NPAS3: variants seen among roughly 807,000 people sequenced by gnomAD.
NPAS3 encodes neuronal PAS domain protein 3.
Under a neutral mutation model 73.1 loss-of-function variants are expected in NPAS3, and 14 were observed. The observed-to-expected ratio is 0.19, with a 90% confidence interval of 0.13 to 0.30. The LOEUF is 0.30. NPAS3 is among the 10% of genes least tolerant of loss of function. The pLI, the probability that NPAS3 is intolerant of heterozygous loss-of-function variation, is 1.00. For synonymous variants in NPAS3, 620 were observed against 541.5 expected (o/e 1.14, Z -2.01); for missense variants, 1,096 against 1,250.0 (o/e 0.88, Z 1.86).
intron 3 of NPAS3, among the ~76,000 whole-genome samples, chr14:33,249,433 C>A (rs1452601648): frequency 6.6e-6 from 1 of 151,390 alleles, no homozygotes; most frequent in Non-Finnish European, 1.5e-5. Context: ...CTGAATAGCA[C>A]TGGGCCATAT....
intron 1 of NPAS3, among the ~76,000 whole-genome samples, chr14:32,998,156 G>T (rs961606335): frequency 2.0e-5 from 3 of 152,172 alleles, no homozygotes; most frequent in Non-Finnish European, 4.4e-5. Flanking sequence ...ATTAGAAAAA[G>T]AAATTGTGTT....
intron 2 of NPAS3, among the ~76,000 whole-genome samples, chr14:33,137,019 T>C (rs1244292183): frequency 2.6e-5 from 4 of 152,336 alleles, no homozygotes; most frequent in East Asian, 1.9e-4. Context: ...GCTTTTTCTG[T>C]TCTGTTGAAA....
chr14:33,158,264 G>A (rs1426228653), intron 2 of NPAS3, among the ~76,000 whole-genome samples: 1 of 152,122 alleles, frequency 6.6e-6, no homozygotes, highest in Non-Finnish European at 1.5e-5. Flanking sequence ...GGCCCAGCCT[G>A]GGAACTACTA....
At chr14:33,489,081 A>G (rs1482448548) in intron 4 of NPAS3, among the ~76,000 whole-genome samples, 2 of 152,176 alleles carry the variant, frequency 1.3e-5, no homozygotes, top group African/African-American at 4.8e-5. Flanking sequence ...ACTTAGAGAC[A>G]GTGAGGGTTT....
intron 2 of NPAS3, among the ~76,000 whole-genome samples, chr14:33,071,066 T>A (rs557114964): frequency 6.6e-6 from 1 of 152,342 alleles, no homozygotes; most frequent in Admixed American, 6.5e-5. Context: ...CTACGCTACC[T>A]ATGGGTACAA....
intron 3 of NPAS3, among the ~76,000 whole-genome samples, chr14:33,314,484 T>C (rs1264672392): frequency 2.0e-5 from 3 of 152,006 alleles, no homozygotes; most frequent in Admixed American, 1.3e-4. Flanking sequence ...ATAACATATA[T>C]GAAGGACCTG....
intron 6 of NPAS3, among the ~76,000 whole-genome samples, chr14:33,697,369 TG>T (rs1180120550): frequency 2.6e-5 from 4 of 152,224 alleles, no homozygotes; most frequent in African/African-American, 9.6e-5. Context: ...GCAGAACTTT[TG>T]TTCTTGATTA....
chr14:33,627,631 A>C lies in NPAS3; in HGVS notation c.559-48580A>C, dbSNP rs543027786. Reference sequence around the variant, plus strand: ...TCTCCATCCTGAAGGTTTTTCACGCACATAACTTTGCACAGTTTCCTACAA... The same window carrying C: ...TCTCCATCCTGAAGGTTTTTCACGCCCATAACTTTGCACAGTTTCCTACAA... On this transcript the variant is annotated intron_variant, in intron 5 of 11. Coordinates refer to ENST00000356141, the Ensembl canonical transcript of NPAS3. Among the ~76,000 whole-genome samples, 49 of 152,358 alleles carry C rather than the reference A, an allele frequency of 3.2e-4. 1 individual carries two copies. In the South Asian group the frequency reaches 9.5e-3, roughly 30 times the overall value.
intron 2 of NPAS3, among the ~76,000 whole-genome samples, chr14:33,211,018 A>G (rs996721465): frequency 3.3e-5 from 5 of 152,198 alleles, no homozygotes; most frequent in Non-Finnish European, 5.9e-5. Flanking sequence ...GGAAAGAACA[A>G]TCAATGTGAA....
intron 3 of NPAS3, among the ~76,000 whole-genome samples, chr14:33,279,259 T>A (rs1035230469): frequency 1.3e-5 from 2 of 152,214 alleles, no homozygotes; most frequent in African/African-American, 4.8e-5. Context: ...CTTTACTTTA[T>A]GTTTGTTAAA....
intron 2 of NPAS3, among the ~76,000 whole-genome samples, chr14:33,195,931 A>G (rs1439681020): frequency 1.3e-5 from 2 of 152,258 alleles, no homozygotes; most frequent in Non-Finnish European, 2.9e-5. Context: ...TACGCCAGAC[A>G]CACGACCAGT....
intron 2 of NPAS3, among the ~76,000 whole-genome samples, chr14:33,056,337 C>T (rs1052564804): frequency 1.3e-5 from 2 of 152,006 alleles, no homozygotes; most frequent in Non-Finnish European, 2.9e-5. Context: ...ACAGGTGCTA[C>T]GCATCTTAGG....
chr14:33,786,868 C>T (rs181846230), intron 9 of NPAS3, among the ~76,000 whole-genome samples: 17 of 152,244 alleles, frequency 1.1e-4, no homozygotes, highest in East Asian at 5.8e-4. Flanking sequence ...TGGAGACTAA[C>T]GTAGGACAGG....
At chr14:33,071,016 A>G (rs772506655) in intron 2 of NPAS3, among the ~76,000 whole-genome samples, 1 of 152,180 alleles carries the variant, frequency 6.6e-6, no homozygotes, top group Non-Finnish European at 1.5e-5. Context: ...TGTACTGAAA[A>G]TAAGTAATTT....
chr14:33,566,055 G>C (rs762896470), intron 5 of NPAS3, among the ~76,000 whole-genome samples: 5 of 152,112 alleles, frequency 3.3e-5, no homozygotes, highest in Non-Finnish European at 7.3e-5. Flanking sequence ...TGGAAGCTCT[G>C]AGGGTTTGGA....
At chr14:33,390,627 T>C (rs1018657435) in intron 4 of NPAS3, among the ~76,000 whole-genome samples, 2 of 152,160 alleles carry the variant, frequency 1.3e-5, no homozygotes, top group Non-Finnish European at 2.9e-5. Context: ...GCACCAAGTA[T>C]ATGGACGATG....
At chr14:33,306,344 T>A (rs570690302) in intron 3 of NPAS3, among the ~76,000 whole-genome samples, 3 of 152,180 alleles carry the variant, frequency 2.0e-5, no homozygotes, top group Non-Finnish European at 4.4e-5. Context: ...AAATCAGTAT[T>A]TAACATTTAA....
chr14:33,486,403 T>C lies in NPAS3; in HGVS notation c.469-73718T>C, dbSNP rs2051599609. Among the ~76,000 whole-genome samples, 3 of 152,270 alleles carry C rather than the reference T, an allele frequency of 2.0e-5. No homozygotes were observed. The South Asian group carries it at 6.2e-4, about 32-fold the overall frequency. On this transcript the variant is annotated intron_variant, in intron 4 of 11. Transcript: ENST00000356141. ...CTAAGGTTCACAGAATAGACTATGTTACTAAATTAACATAAAAGCTCTCTG... is the reference window on the plus strand; with the variant it reads ...CTAAGGTTCACAGAATAGACTATGTCACTAAATTAACATAAAAGCTCTCTG...
At chr14:33,144,150 T>G (rs372130993) in intron 2 of NPAS3, among the ~76,000 whole-genome samples, 2 of 152,292 alleles carry the variant, frequency 1.3e-5, no homozygotes, top group East Asian at 3.9e-4. Context: ...TTTTCCACAG[T>G]GATTTAATCA....
Sources: gnomAD v4.1 joint callset for allele counts (sites outside exome capture counted in the v4.1 genomes callset) on GRCh38, gnomAD v4.1.1 for gene constraint, MANE v1.5 for transcripts, NCBI Gene and HGNC (gene_info 2026-07-23, HGNC 2026-07-21) for gene names.